The following SRGAP3 variants were observed in gnomAD, a reference collection of about 807,000 sequenced individuals.
SRGAP3 encodes SLIT-ROBO Rho GTPase-activating protein 3.
SRGAP3 carries 39 observed loss-of-function variants against 121.1 expected under a neutral mutation model. That is an observed-to-expected ratio of 0.32 (90% confidence interval 0.25 to 0.42). SRGAP3 has a LOEUF of 0.42. Among genes scored for constraint, SRGAP3 ranks in the 10% least tolerant of loss-of-function variants. The probability of loss-of-function intolerance (pLI) is 1.00; values close to 1 mark genes in which losing one functional copy is unlikely to be tolerated. For synonymous variants in SRGAP3, 601 were observed against 570.0 expected, an observed-to-expected ratio of 1.05 and a Z score of -0.77; for missense variants, 1,213 against 1,470.6, an observed-to-expected ratio of 0.82 and a Z score of 2.86.
At chr3:9,053,517 GT>G (rs1013093660) in intron 8 of SRGAP3, among the ~76,000 whole-genome samples, 5 of 152,192 alleles carry the variant, frequency 3.3e-5, no homozygotes, top group African/African-American at 1.2e-4. Context: ...AGGAACCCAG[GT>G]TTCTAGGTTT....
intron 3 of SRGAP3, among the ~76,000 whole-genome samples, chr3:9,286,763 C>A (rs34390466): frequency 0.084 from 11,995 of 142,364 alleles, 795 homozygotes; most frequent in Non-Finnish European, 0.12. Context: ...CCACCACACC[C>A]GGCTAATTTT....
intron 3 of SRGAP3, among the ~76,000 whole-genome samples, chr3:9,269,664 C>T (rs940126807): frequency 3.3e-5 from 5 of 152,132 alleles, no homozygotes; most frequent in African/African-American, 1.2e-4. Context: ...AGTAAGGAGG[C>T]CTTTCACAAA....
At chr3:9,242,326 C>G (rs919709805) in intron 1 of SRGAP3, among the ~76,000 whole-genome samples, 2 of 152,160 alleles carry the variant, frequency 1.3e-5, no homozygotes, top group African/African-American at 4.8e-5. Context: ...CCCAAGCCAA[C>G]TAAGAAGGAT....
chr3:9,203,327 G>A (rs1952133266), intron 1 of SRGAP3, among the ~76,000 whole-genome samples: 1 of 152,164 alleles, frequency 6.6e-6, no homozygotes, highest in South Asian at 2.1e-4. Flanking sequence ...TAGGTGCTGG[G>A]CACCCTGGGA....
chr3:9,029,366 T>C (rs999977765), intron 12 of SRGAP3, among the ~76,000 whole-genome samples: 3 of 152,186 alleles, frequency 2.0e-5, no homozygotes, highest in Non-Finnish European at 4.4e-5. Context: ...CAAAATTGGC[T>C]CTTATAAAAA....
At chr3:9,345,800 A>AG (rs1014364353) in intron 1 of SRGAP3, among the ~76,000 whole-genome samples, 7 of 151,400 alleles carry the variant, frequency 4.6e-5, no homozygotes, top group South Asian at 4.2e-4. Flanking sequence ...AAAAAAAAAA[A>AG]AAAAGAAAAG....
At chr3:9,127,589 A>C (rs1453490973) in intron 1 of SRGAP3, among the ~76,000 whole-genome samples, 1 of 152,154 alleles carries the variant, frequency 6.6e-6, no homozygotes, top group African/African-American at 2.4e-5. Flanking sequence ...CTGGGACGAC[A>C]GGTGCGCACC....
chr3:9,005,227 T>C (rs757866330), intron 18 of SRGAP3, among the ~76,000 whole-genome samples: 13 of 152,168 alleles, frequency 8.5e-5, no homozygotes, highest in Non-Finnish European at 1.6e-4. Context: ...CTCAATAAGA[T>C]GCAACTTCAC....
chr3:9,079,662 G>A (rs1165752502), intron 4 of SRGAP3, among the ~76,000 whole-genome samples: 1 of 152,216 alleles, frequency 6.6e-6, no homozygotes, highest in Non-Finnish European at 1.5e-5. Flanking sequence ...CTCTGCTGGA[G>A]CCTGTGCTGC....
At chr3:9,189,274 T>A (rs1385735173) in intron 1 of SRGAP3, among the ~76,000 whole-genome samples, 1 of 152,228 alleles carries the variant, frequency 6.6e-6, no homozygotes. Context: ...TAAAACTGTC[T>A]TGAATATTAT....
At chr3:9,240,643 A>T (rs1201746191) in intron 1 of SRGAP3, among the ~76,000 whole-genome samples, 1 of 152,212 alleles carries the variant, frequency 6.6e-6, no homozygotes. Flanking sequence ...TTCCACCGTC[A>T]TGGAGAGACA....
At chr3:9,291,421 G>A (rs1403583113) in intron 3 of SRGAP3, among the ~76,000 whole-genome samples, 4 of 152,248 alleles carry the variant, frequency 2.6e-5, no homozygotes, top group South Asian at 2.1e-4. Flanking sequence ...ACAGGATTTC[G>A]TTATACTGAG....
chr3:9,000,488 A>G (rs1006275844), intron 18 of SRGAP3, among the ~76,000 whole-genome samples: 4 of 152,212 alleles, frequency 2.6e-5, no homozygotes, highest in African/African-American at 7.2e-5. Flanking sequence ...ACCATCCCGT[A>G]AAACAGACAG....
chr3:9,127,313 T>A (rs1052993887), intron 1 of SRGAP3, among the ~76,000 whole-genome samples: 8 of 152,126 alleles, frequency 5.3e-5, no homozygotes, highest in Admixed American at 2.6e-4. Flanking sequence ...CTCCAGCCTA[T>A]ATGACAAAGC....
chr3:9,169,043 G>A (rs1389000058), intron 1 of SRGAP3, among the ~76,000 whole-genome samples: 1 of 152,174 alleles, frequency 6.6e-6, no homozygotes, highest in African/African-American at 2.4e-5. Flanking sequence ...TGCATGGCCA[G>A]CACAACTGTA....
At chr3:9,051,633 A>G (rs972692935) in intron 9 of SRGAP3, among the ~76,000 whole-genome samples, 3 of 152,154 alleles carry the variant, frequency 2.0e-5, no homozygotes, top group Non-Finnish European at 4.4e-5. Context: ...TAAAATAATA[A>G]TAAAAGAATA....
intron 4 of SRGAP3, among the ~76,000 whole-genome samples, chr3:9,078,217 C>A (rs986539698): frequency 6.6e-6 from 1 of 152,086 alleles, no homozygotes; most frequent in Admixed American, 6.5e-5. Context: ...AGAAGAGGAG[C>A]CCCGCTGGAG....
chr3:9,191,779 A>G (rs568273286), intron 1 of SRGAP3, among the ~76,000 whole-genome samples: 1 of 152,336 alleles, frequency 6.6e-6, no homozygotes, highest in Admixed American at 6.5e-5. Flanking sequence ...TGACTGGATC[A>G]TGGGGGCAGA....
chr3:9,307,252 G>A (rs1056486351), intron 3 of SRGAP3, among the ~76,000 whole-genome samples: 2 of 152,178 alleles, frequency 1.3e-5, no homozygotes, highest in African/African-American at 2.4e-5. Flanking sequence ...GGGATTACAG[G>A]CATGAGCCAC....
Sources: allele counts gnomAD v4.1 joint callset (sites outside exome capture counted in the v4.1 genomes callset), GRCh38; gene constraint gnomAD v4.1.1; transcripts MANE v1.5; gene names NCBI Gene and HGNC (gene_info 2026-07-23, HGNC 2026-07-21).